The following MTUS2 variants were observed in gnomAD, a reference collection of about 807,000 sequenced individuals.
MTUS2 encodes the protein microtubule-associated tumor suppressor candidate 2.
Under a neutral mutation model 114.1 loss-of-function variants are expected in MTUS2, and 40 were observed. The observed-to-expected ratio is 0.35, with a 90% CI of 0.27 to 0.46. MTUS2 has a LOEUF of 0.46. Among genes scored for constraint, MTUS2 ranks in the 20% least tolerant of loss-of-function variants. The pLI, the probability that MTUS2 is intolerant of heterozygous loss-of-function variation, is 1.00. For missense variants in MTUS2, 1,679 were observed against 1,705.4 expected (o/e 0.98, Z 0.27); for synonymous variants, 688 against 672.0 (o/e 1.02, Z -0.37).
At chr13:29,062,524 C>T (rs901486193) in intron 4 of MTUS2, among the ~76,000 whole-genome samples, 1 of 152,182 alleles carries the variant, frequency 6.6e-6, no homozygotes, top group Middle Eastern at 3.2e-3. Context: ...TGAAATTTAG[C>T]ATTTACATAT....
At chr13:28,932,162 G>A (rs1881654516) in intron 2 of MTUS2, among the ~76,000 whole-genome samples, 1 of 152,168 alleles carries the variant, frequency 6.6e-6, no homozygotes, top group Non-Finnish European at 1.5e-5. Flanking sequence ...TTCTCATCTA[G>A]GAAATGGTCT....
At chr13:28,892,445 C>G (rs1036020352) in intron 2 of MTUS2, among the ~76,000 whole-genome samples, 1 of 152,124 alleles carries the variant, frequency 6.6e-6, no homozygotes, top group African/African-American at 2.4e-5. Context: ...CCTTTTAGAA[C>G]AACCCATTCT....
At chr13:29,119,779 C>T (rs1389624837) in intron 5 of MTUS2, among the ~76,000 whole-genome samples, 1 of 152,112 alleles carries the variant, frequency 6.6e-6, no homozygotes, top group Non-Finnish European at 1.5e-5. Context: ...AGGCCATCTG[C>T]TTATTTAGTC....
chr13:28,895,318 G>A (rs1056650253), intron 2 of MTUS2, among the ~76,000 whole-genome samples: 1 of 152,128 alleles, frequency 6.6e-6, no homozygotes, highest in Non-Finnish European at 1.5e-5. Context: ...AGTATTTCAT[G>A]GGTTTTACTT....
intron 2 of MTUS2, among the ~76,000 whole-genome samples, chr13:28,988,714 C>A (rs2138326018): frequency 6.6e-6 from 1 of 152,238 alleles, no homozygotes; most frequent in East Asian, 1.9e-4. Flanking sequence ...CATTAATTAT[C>A]AAATATTCAA....
At chr13:28,990,059 T>C (rs539319264) in intron 2 of MTUS2, among the ~76,000 whole-genome samples, 7 of 152,278 alleles carry the variant, frequency 4.6e-5, no homozygotes, top group African/African-American at 1.7e-4. Context: ...TGTTGTGAAC[T>C]GGCAGGAGGA....
intron 4 of MTUS2, among the ~76,000 whole-genome samples, chr13:29,067,928 C>A (rs1307020628): frequency 7.1e-6 from 1 of 141,214 alleles, no homozygotes; most frequent in African/African-American, 2.7e-5. Flanking sequence ...GGCAAAGATT[C>A]CTGTGAGAAG....
At chr13:29,367,224 A>G (rs1870795234) in intron 8 of MTUS2, among the ~76,000 whole-genome samples, 1 of 152,118 alleles carries the variant, frequency 6.6e-6, no homozygotes, top group South Asian at 2.1e-4. Flanking sequence ...AAATGGGCCA[A>G]GGATCACATA....
chr13:29,503,352 C>G lies in MTUS2; in HGVS notation c.*146C>G, dbSNP rs879223440. On this transcript the variant is annotated 3_prime_UTR_variant, in exon 16 of 16. Coordinates refer to ENST00000612955, the MANE Select transcript of MTUS2 (RefSeq NM_001033602.4). ...CCTAGGCGCGTCCTCCTCTGATCCC[C>G]GTGTAAGACTGCCCTGGTGTCGGCA... 8 of 810,922 alleles carry G rather than the reference C, an allele frequency of 9.9e-6. No individual in the cohort carries two copies. In the South Asian group the frequency reaches 1.4e-4, roughly 14 times the overall value. The allele number at this position is 810,922 out of a possible 1,614,324, so 50.2% of individuals were successfully genotyped here. A position where few individuals can be genotyped will look rare whatever the true frequency, so the allele number is the denominator to read the frequency against.
intron 5 of MTUS2, among the ~76,000 whole-genome samples, chr13:29,149,635 G>A (rs901634250): frequency 6.6e-5 from 10 of 152,204 alleles, no homozygotes; most frequent in East Asian, 1.9e-4. Flanking sequence ...TTTTCTTCTA[G>A]GATTTTTATA....
At chr13:29,367,696 C>T (rs191260065) in intron 8 of MTUS2, among the ~76,000 whole-genome samples, 8 of 152,176 alleles carry the variant, frequency 5.3e-5, no homozygotes, top group African/African-American at 1.2e-4. Flanking sequence ...GATGCCCAGA[C>T]GATAAAGGAT....
intron 8 of MTUS2, among the ~76,000 whole-genome samples, chr13:29,414,466 A>T (rs925689364): frequency 1.8e-4 from 11 of 60,446 alleles, no homozygotes; most frequent in African/African-American, 3.4e-4. Flanking sequence ...AAAAAAAAAA[A>T]TTAAAAAAAA....
chr13:29,233,758 G>T (rs900751510), intron 5 of MTUS2, among the ~76,000 whole-genome samples: 9 of 152,162 alleles, frequency 5.9e-5, no homozygotes, highest in African/African-American at 2.2e-4. Flanking sequence ...CATATCACCT[G>T]GAGATTGACA....
chr13:29,050,360 C>G (rs1193965847), intron 4 of MTUS2, among the ~76,000 whole-genome samples: 1 of 152,126 alleles, frequency 6.6e-6, no homozygotes, highest in Non-Finnish European at 1.5e-5. Flanking sequence ...ATTTAAGAAG[C>G]TTATTCCAGC....
intron 8 of MTUS2, among the ~76,000 whole-genome samples, chr13:29,371,218 AC>A (rs58312532): frequency 0.33 from 32,944 of 100,754 alleles, 3,895 homozygotes; most frequent in Middle Eastern, 0.44. Flanking sequence ...CACATTAACC[AC>A]CCCCCCCCCC....
At chr13:29,229,896 C>A (rs1286757614) in intron 5 of MTUS2, among the ~76,000 whole-genome samples, 2 of 152,184 alleles carry the variant, frequency 1.3e-5, no homozygotes, top group Non-Finnish European at 2.9e-5. Flanking sequence ...AAGACGACAT[C>A]ATCAAGAACC....
intron 2 of MTUS2, among the ~76,000 whole-genome samples, chr13:28,917,564 A>G (rs2138039023): frequency 6.6e-6 from 1 of 150,408 alleles, no homozygotes; most frequent in East Asian, 1.9e-4. Flanking sequence ...ATCAGTTGTA[A>G]TGTCTTTTTT....
At chr13:29,080,962 G>T (rs1889415369) in intron 4 of MTUS2, among the ~76,000 whole-genome samples, 1 of 152,096 alleles carries the variant, frequency 6.6e-6, no homozygotes, top group South Asian at 2.1e-4. Context: ...CTGACCTCTG[G>T]TGATCCTCCC....
chr13:29,306,859 G>A (rs1899491157), intron 6 of MTUS2: 1 of 490,618 alleles, frequency 2.0e-6, no homozygotes, highest in Non-Finnish European at 4.1e-6. Context: ...CTCTGCTAAA[G>A]TAGATATTGT....
Sources: gnomAD v4.1 joint callset for allele counts (sites outside exome capture counted in the v4.1 genomes callset) on GRCh38, gnomAD v4.1.1 for gene constraint, MANE v1.5 for transcripts, NCBI Gene and HGNC (gene_info 2026-07-23, HGNC 2026-07-21) for gene names.